The following ASB5 variants were observed in gnomAD, a reference collection of about 807,000 sequenced individuals.
ASB5 encodes the protein ankyrin repeat and SOCS box containing 5.
A neutral mutation model predicts 42.1 loss-of-function variants in ASB5; 45 were observed. The ratio of observed to expected loss-of-function variants is 1.07; its 90% CI spans 0.84 to 1.37. ASB5 has a LOEUF of 1.37. Among genes scored for constraint, ASB5 ranks in the 40% most tolerant of loss-of-function variants. The probability of loss-of-function intolerance (pLI) is 0.00; values close to 1 mark genes in which losing one functional copy is unlikely to be tolerated. For synonymous variants in ASB5, 147 were observed against 150.6 expected, an observed-to-expected ratio of 0.98 and a Z score of 0.18; for missense variants, 402 against 399.8, an observed-to-expected ratio of 1.01 and a Z score of -0.05.
At chr4:176,219,110 ATATT>A (rs1313037269) in intron 5 of ASB5, among the ~76,000 whole-genome samples, 2 of 108,940 alleles carry the variant, frequency 1.8e-5, no homozygotes, top group African/African-American at 7.7e-5. Flanking sequence ...ATATATATAT[ATATT>A]TGTATGATAT....
At chr4:176,231,684 AT>A (rs11362446) in intron 1 of ASB5, among the ~76,000 whole-genome samples, 71,931 of 144,260 alleles carry the variant, frequency 0.5, 18,474 homozygotes, top group East Asian at 0.7. Context: ...AAAAATGTAA[AT>A]TAAAAAAAAT....
chr4:176,225,231 G>T (rs1753341511), intron 2 of ASB5, 31 bp downstream of exon 2: 3 of 1,534,430 alleles, frequency 2.0e-6, no homozygotes, highest in Admixed American at 3.4e-5. Context: ...ATGGAAAGGG[G>T]GTATATTTTA....
At chr4:176,229,384 T>A (rs1006168110) in intron 1 of ASB5, among the ~76,000 whole-genome samples, 6 of 152,182 alleles carry the variant, frequency 3.9e-5, no homozygotes, top group Admixed American at 2.0e-4. Flanking sequence ...TATTTGTAGC[T>A]GAAGGGTACT....
At chr4:176,263,782 CA>C (rs2126977679) in intron 1 of ASB5, among the ~76,000 whole-genome samples, 1 of 152,288 alleles carries the variant, frequency 6.6e-6, no homozygotes, top group South Asian at 2.1e-4. Context: ...TCACAGGAAA[CA>C]AGTTGCTCCT....
At position 176,251,499 on chromosome 4, in the gene ASB5, T is replaced by C. The variant is rs1346473415; in HGVS notation, c.196+17414A>G. On this transcript the variant is annotated intron_variant, in intron 1 of 6. Transcript: ENST00000296525. ...ATGGCGTGAACCCGGGAGGCGGAGC[T>C]TGCAGTGAGCCGAGATCCCGCCACT... is the stretch of plus-strand genomic sequence containing the variant. Among the ~76,000 whole-genome samples the C allele has an allele frequency of 8.1e-5, 5 of 61,960 alleles. 2 individuals are homozygous for C. Among genetic ancestry groups the C allele is most frequent in the African/African-American group, 2.8e-4 (5 of 17,698 alleles). The allele number at this position is 61,960 out of a possible 152,430, so 40.6% of individuals were successfully genotyped here. A position where few individuals can be genotyped will look rare whatever the true frequency, so the allele number is the denominator to read the frequency against.
chr4:176,253,941 G>A (rs905362782), intron 1 of ASB5, among the ~76,000 whole-genome samples: 4 of 152,118 alleles, frequency 2.6e-5, no homozygotes, highest in South Asian at 2.1e-4. Context: ...TTCCATGCTC[G>A]TGGATTTGAA....
Position 176,222,310 on chromosome 4 carries a change from T to C in ASB5, c.384+3A>G. The C allele has an allele frequency of 6.2e-7, 1 of 1,603,246 alleles. No individual in the cohort carries two copies. Among genetic ancestry groups the C allele is most frequent in the Non-Finnish European group, 8.5e-7 (1 of 1,170,086 alleles). ...AATGATTAATGTTTTGAAAGGTACT[T>C]ACATTAGCTCCTGCTTCCAGCAGAG... On this transcript the variant is annotated splice_donor_region_variant and intron_variant, in intron 3 of 6. Transcript: ENST00000296525.
At chr4:176,241,746 C>G in intron 1 of ASB5, 2 of 1,052,368 alleles carry the variant, frequency 1.9e-6, no homozygotes, top group Non-Finnish European at 2.5e-6. Context: ...AGTTGTTATC[C>G]AACAGTTAAC....
chr4:176,274,020 A>T (rs1754521497), upstream of ASB5, among the ~76,000 whole-genome samples: 1 of 152,232 alleles, frequency 6.6e-6, no homozygotes. Context: ...AAACTAGCCA[A>T]GAAAGATATT....
Position 176,225,341 on chromosome 4 carries a change from C to T in ASB5, c.197G>A (p.Gly66Asp). 3 of 1,612,454 alleles carry T rather than the reference C, an allele frequency of 1.9e-6. No homozygotes were observed. The highest frequency in any genetic ancestry group is 1.7e-4 in the Middle Eastern group (1 of 6,054). ...TAGTGGTGATCGATCTGCCCAGGAACCTGTCAAAAAAGAAAAAAAGAAAGA... is the reference window on the plus strand; with the variant it reads ...TAGTGGTGATCGATCTGCCCAGGAATCTGTCAAAAAAGAAAAAAAGAAAGA... ...AEFYGVTQGQGSWADRSPLHE... is the reference protein window; with the variant it reads ...AEFYGVTQGQDSWADRSPLHE... The change falls in exon 2 of 7, where the codon GGT becomes GAT. Residue 66 changes from glycine (G) to aspartate (D), a missense_variant and splice_region_variant. By Grantham distance (94) the Gly-to-Asp change is moderately conservative (BLOSUM62 -1). Transcript: ENST00000296525.
chr4:176,216,952 T>C lies in ASB5; in HGVS notation c.728A>G (p.Gln243Arg). The change falls in exon 6 of 7, where the codon CAA becomes CGA. Residue 243 changes from glutamine to arginine, a missense_variant. By Grantham distance (43) the Gln-to-Arg change is conservative (BLOSUM62 1). Transcript: ENST00000296525. The part of the protein sequence containing the change: ...WDTPLHAAAQ[Q>R]SSTEIVNLLL... ...TAAGTTTACAATTTCTGTGCTGGAT[T>C]GTTGAGCAGCAGCATGTAATGGAGT... The C allele has an allele frequency of 1.9e-6, 3 of 1,613,918 alleles. No homozygotes were observed. Among genetic ancestry groups the C allele is most frequent in the Non-Finnish European group, 2.5e-6 (3 of 1,179,906 alleles).
chr4:176,221,668 G>A lies in ASB5; in HGVS notation c.385-68C>T. ...TACATGAGTAACCGACTTAGGCATT[G>A]TCAAAAGGTATGTGATTTGCTAACA... is the stretch of plus-strand genomic sequence containing the variant. On this transcript the variant is annotated intron_variant, in intron 3 of 6. Transcript: ENST00000296525. 3.6e-6 allele frequency: 5 copies of A among 1,375,770 alleles called. No homozygotes were observed. The South Asian group carries it at 5.8e-5, about 16-fold the overall frequency. 85.2% of individuals were successfully genotyped at this position (1,375,770 alleles called of 1,614,324 possible).
chr4:176,219,757 G>T (rs1013952072), intron 5 of ASB5, among the ~76,000 whole-genome samples: 2 of 151,034 alleles, frequency 1.3e-5, no homozygotes, highest in Non-Finnish European at 2.9e-5. Context: ...AATAGAGACA[G>T]GGTTTCACTA....
chr4:176,226,899 C>T (rs1308854427), intron 1 of ASB5, among the ~76,000 whole-genome samples: 1 of 152,206 alleles, frequency 6.6e-6, no homozygotes, highest in Admixed American at 6.5e-5. Context: ...GAAGCATGAG[C>T]CCTGCTTCTG....
intron 1 of ASB5, among the ~76,000 whole-genome samples, chr4:176,248,916 G>A (rs1368090168): frequency 6.6e-6 from 1 of 152,084 alleles, no homozygotes; most frequent in Non-Finnish European, 1.5e-5. Context: ...AAGGCTTCTG[G>A]GGTTCTATTT....
intron 1 of ASB5, among the ~76,000 whole-genome samples, chr4:176,245,378 A>T (rs1343078058): frequency 6.6e-6 from 1 of 152,240 alleles, no homozygotes; most frequent in Non-Finnish European, 1.5e-5. Flanking sequence ...AATGGCGATC[A>T]TTAAAAAGTC....
At chr4:176,220,022 T>C (rs189061184) in intron 5 of ASB5, among the ~76,000 whole-genome samples, 2 of 152,280 alleles carry the variant, frequency 1.3e-5, no homozygotes, top group African/African-American at 4.8e-5. Context: ...TGATAGCTGA[T>C]GAGCTAAAAC....
intron 1 of ASB5, among the ~76,000 whole-genome samples, chr4:176,248,847 C>T (rs1188626663): frequency 6.6e-6 from 1 of 152,144 alleles, no homozygotes; most frequent in Non-Finnish European, 1.5e-5. Flanking sequence ...ACTATAAAAA[C>T]TAGTCACTCG....
intron 1 of ASB5, among the ~76,000 whole-genome samples, chr4:176,251,181 T>A (rs1754024783): frequency 6.6e-6 from 1 of 151,262 alleles, no homozygotes. Context: ...CATGTGCTCA[T>A]GGGAGGTTTA....
Sources: allele counts gnomAD v4.1 joint callset (sites outside exome capture counted in the v4.1 genomes callset), GRCh38; gene constraint gnomAD v4.1.1; transcripts MANE v1.5; gene names NCBI Gene and HGNC (gene_info 2026-07-23, HGNC 2026-07-21).